Variants in TNKS1BP1 observed in about 807,000 individuals in gnomAD.
TNKS1BP1 encodes the protein 182 kDa tankyrase-1-binding protein.
TNKS1BP1 carries 48 observed loss-of-function variants against 141.1 expected under a neutral mutation model. That is an observed-to-expected ratio of 0.34 (90% CI 0.27 to 0.43). TNKS1BP1 has a LOEUF of 0.43. Among genes scored for constraint, TNKS1BP1 ranks in the 20% least tolerant of loss-of-function variants. TNKS1BP1 has a pLI of 1.00. For synonymous variants in TNKS1BP1, 875 were observed against 898.2 expected (o/e 0.97, Z 0.46); for missense variants, 2,149 against 2,226.0 (o/e 0.97, Z 0.70).
chr11:57,313,249 A>G lies in TNKS1BP1; in HGVS notation c.1439T>C (p.Phe480Ser). The G allele has an allele frequency of 6.2e-7, 1 of 1,612,794 alleles. No individual in the cohort carries two copies. The highest frequency in any genetic ancestry group is 8.5e-7 in the Non-Finnish European group (1 of 1,179,972). The change falls in exon 5 of 12, where the codon TTC (phenylalanine) becomes TCC (serine). Residue 480 changes from phenylalanine (F) to serine (S), a missense_variant. By Grantham distance (155) the Phe-to-Ser change is radical (BLOSUM62 -2). Transcript: ENST00000358252. ...WSLSQSFEWT[F>S]PTRPSGLGVW... ...GCCCAGACCCGAGGGCCTCGTGGGG[A>G]AGGTCCATTCGAAGGACTGTGATAA...
chr11:57,320,264 G>A lies in TNKS1BP1; in HGVS notation c.543C>T (p.Arg181=). 6.2e-7 allele frequency: 1 copy of A among 1,614,188 alleles called. No homozygotes were observed. The highest frequency in any genetic ancestry group is 8.5e-7 in the Non-Finnish European group (1 of 1,180,046). The change falls in exon 3 of 12, where the codon CGC becomes CGT. Residue 181 remains arginine, a synonymous_variant. Coordinates refer to ENST00000358252, the MANE Select transcript of TNKS1BP1 (RefSeq NM_033396.3). ...PRKEVLASPD[R]LWGSRLTFNH... The stretch of plus-strand genomic sequence containing the variant: ...TAAAGGTGAGGCGGGAACCCCACAG[G>A]CGGTCGGGGCTGGCAAGGACCTCCT...
intron 3 of TNKS1BP1, among the ~76,000 whole-genome samples, chr11:57,319,722 G>A (rs529854057): frequency 2.1e-5 from 3 of 141,228 alleles, no homozygotes; most frequent in East Asian, 2.1e-4. Flanking sequence ...AGCCGAGATC[G>A]CACCACTGCA....
rs1590586160 is a variant in TNKS1BP1, at chr11:57,311,194, G to A, written c.2155-638C>T. 6 of 977,588 alleles carry A rather than the reference G, an allele frequency of 6.1e-6. No individual in the cohort carries two copies. The African/African-American group carries it at 7.0e-5, about 11-fold the overall frequency. 60.6% of individuals were successfully genotyped at this position (977,588 alleles called of 1,614,324 possible). On this transcript the variant is annotated intron_variant, in intron 5 of 11. Transcript: ENST00000358252. ...CTGGCACAGGGGAAAATCCCAGCCA[G>A]GGCTTCTTGCACCCCACCCCCCACC... is the stretch of plus-strand genomic sequence containing the variant.
Position 57,313,535 on chromosome 11 carries a change from C to T in TNKS1BP1, c.1153G>A (p.Ala385Thr). Residue 385 changes from alanine (A) to threonine (T), a missense_variant, in exon 5 of 12, where the codon GCC becomes ACC. Transcript: ENST00000358252. ...TCGATCAGGGGCCGGGGTGAGGTGG[C>T]AGGGGGCTGATCCAGGCTATGGGGC... Reference protein sequence around the residue: ...LEPHSLDQPPATSPRPLIEVG... With the variant: ...LEPHSLDQPPTTSPRPLIEVG... 1 of 1,571,822 alleles carries T rather than the reference C, an allele frequency of 6.4e-7. No homozygotes were observed. The highest frequency in any genetic ancestry group is 8.6e-7 in the Non-Finnish European group (1 of 1,158,300).
chr11:57,302,917 A>G lies in TNKS1BP1; in HGVS notation c.4317-92T>C. On this transcript the variant is annotated intron_variant, in intron 6 of 11. Transcript: ENST00000358252. This position sits in a 1 kb window ranked among gnomAD's most constrained non-coding sequence, Gnocchi z 5.5. ...TCACAAGCTCCTTCCCCCAGCCCCC[A>G]AACTCTCCCTTGCCCTCCTTCCCAT... 7.2e-7 allele frequency: 1 copy of G among 1,391,164 alleles called. No homozygotes were observed. Among genetic ancestry groups the G allele is most frequent in the Non-Finnish European group, 9.4e-7 (1 of 1,062,626 alleles). The allele number at this position is 1,391,164 out of a possible 1,614,324, so 86.2% of individuals were successfully genotyped here.
Position 57,302,439 on chromosome 11 carries a change from T to G in TNKS1BP1, c.4683+20A>C. The G allele has an allele frequency of 6.4e-7, 1 of 1,573,652 alleles. No individual in the cohort carries two copies. Among genetic ancestry groups the G allele is most frequent in the African/African-American group, 1.3e-5 (1 of 74,428 alleles). On this transcript the variant is annotated intron_variant, in intron 7 of 11. Coordinates refer to ENST00000358252, the MANE Select transcript of TNKS1BP1 (RefSeq NM_033396.3). The surrounding 1 kb of genome is among the most constrained non-coding windows in gnomAD (Gnocchi z 5.5). ...CATCGCCCTCACCCACCCACTGTCATGGGCTCACCCTCCACTGACCTCAAT... is the reference window on the plus strand; with the variant it reads ...CATCGCCCTCACCCACCCACTGTCAGGGGCTCACCCTCCACTGACCTCAAT...
intron 3 of TNKS1BP1, 86 bp from the exon 4 acceptor site, chr11:57,317,973 A>T: frequency 7.8e-7 from 1 of 1,275,650 alleles, no homozygotes; most frequent in Non-Finnish European, 1.1e-6. Context: ...TCCCAGTGCA[A>T]CTTTAACAGC....
At chr11:57,322,565 T>C (rs1245779779) in intron 1 of TNKS1BP1, among the ~76,000 whole-genome samples, 1 of 152,194 alleles carries the variant, frequency 6.6e-6, no homozygotes, top group Non-Finnish European at 1.5e-5. Flanking sequence ...AGTAAACATC[T>C]GGAATATATT....
chr11:57,316,848 C>A (rs1024542693), intron 4 of TNKS1BP1, among the ~76,000 whole-genome samples: 5 of 152,210 alleles, frequency 3.3e-5, no homozygotes, highest in Non-Finnish European at 5.9e-5. Context: ...GCATCCCATG[C>A]CTCTCCTGCA....
chr11:57,319,153 A>G (rs1473246135), intron 3 of TNKS1BP1, among the ~76,000 whole-genome samples: 1 of 151,610 alleles, frequency 6.6e-6, no homozygotes, highest in African/African-American at 2.4e-5. Flanking sequence ...TCAAAAAAAA[A>G]AAAAAAAAAA....
At position 57,308,808 on chromosome 11, in the gene TNKS1BP1, G is replaced by C; in HGVS notation, c.3903C>G (p.Ser1301=). 6.2e-7 allele frequency: 1 copy of C among 1,614,058 alleles called. No homozygotes were observed. Among genetic ancestry groups the C allele is most frequent in the Non-Finnish European group, 8.5e-7 (1 of 1,180,018 alleles). ...APGAVCSPGE[S]KELGVGQMDW... ...CCATCTGGCCCACCCCAAGCTCTTT[G>C]GACTCTCCAGGACTGCAGACTGCCC... Residue 1301 remains serine (S), a synonymous_variant, in exon 6 of 12, where the codon TCC becomes TCG. Coordinates refer to ENST00000358252, the MANE Select transcript of TNKS1BP1 (RefSeq NM_033396.3).
chr11:57,303,604 C>T (rs765114166), intron 6 of TNKS1BP1: 4 of 152,440 alleles, frequency 2.6e-5, no homozygotes, highest in Admixed American at 2.6e-4. Context: ...AGGGCAAAAA[C>T]GGGGCCCTTT....
chr11:57,300,765 C>T, intron 10 of TNKS1BP1, 119 bp downstream of exon 10: 2 of 1,500,094 alleles, frequency 1.3e-6, no homozygotes, highest in Non-Finnish European at 1.8e-6. Flanking sequence ...TCATCTGGGG[C>T]ATGTCCGACT....
chr11:57,309,058 C>A lies in TNKS1BP1; in HGVS notation c.3653G>T (p.Gly1218Val). The A allele has an allele frequency of 6.2e-7, 1 of 1,614,198 alleles. No individual in the cohort carries two copies. The highest frequency in any genetic ancestry group is 8.5e-7 in the Non-Finnish European group (1 of 1,180,038). The change falls in exon 6 of 12, where the codon GGG becomes GTG. Residue 1218 changes from glycine to valine, a missense_variant. Transcript: ENST00000358252. The surrounding 1 kb of genome is among the most constrained non-coding windows in gnomAD (Gnocchi z 4.3). ...CLESGGSEEP[G>V]GIGVGEKDWT... Reference sequence around the variant, plus strand: ...GTCCTTCTCCCCAACTCCGATTCCCCCCGGCTCTTCAGACCCTCCACTTTC... The same window carrying A: ...GTCCTTCTCCCCAACTCCGATTCCCACCGGCTCTTCAGACCCTCCACTTTC...
chr11:57,319,637 C>T (rs1265539895), intron 3 of TNKS1BP1, among the ~76,000 whole-genome samples: 2 of 151,876 alleles, frequency 1.3e-5, no homozygotes, highest in Middle Eastern at 6.3e-3. Context: ...CGTGGTGGCC[C>T]ACGCCTGTAA....
chr11:57,321,938 G>A lies in TNKS1BP1; in HGVS notation c.-53C>T. 1 of 1,606,588 alleles carries A rather than the reference G, an allele frequency of 6.2e-7. No homozygotes were observed. Among genetic ancestry groups the A allele is most frequent in the Non-Finnish European group, 8.5e-7 (1 of 1,176,416 alleles). ...GGGGAGGCAGAGAGGTATGAGCTGG[G>A]GTGGCTGCAGACCTAGGAAAAGAGA... On this transcript the variant is annotated 5_prime_UTR_variant, in exon 2 of 12. Coordinates refer to ENST00000358252, the MANE Select transcript of TNKS1BP1 (RefSeq NM_033396.3).
At chr11:57,321,743 T>TGGGGCCCCCCC in intron 2 of TNKS1BP1, 49 bp downstream of exon 2, 1 of 1,186,780 alleles carries the variant, frequency 8.4e-7, no homozygotes, top group Non-Finnish European at 1.2e-6. Flanking sequence ...GCCTCTGTCC[T>TGGGGCCCCCCC]TCCCACCCCC....
rs1159298261 is a variant in TNKS1BP1 at position 57,308,864 on chromosome 11, G to A, written c.3847C>T (p.Pro1283Ser). Residue 1283 changes from proline to serine, a missense_variant, in exon 6 of 12, where the codon CCT (proline) becomes TCT (serine). By Grantham distance (74) the Pro-to-Ser change is moderately conservative (BLOSUM62 -1). Coordinates refer to ENST00000358252, the MANE Select transcript of TNKS1BP1 (RefSeq NM_033396.3). ...ERGVGQADWT[P>S]DLGLRNMAPG... ...GCCATGTTTCTCAGCCCAAGGTCAG[G>A]TGTCCAGTCTGCCTGTCCAACTCCA... 3.1e-6 allele frequency: 5 copies of A among 1,613,906 alleles called. No individual in the cohort carries two copies. Among genetic ancestry groups the A allele is most frequent in the Non-Finnish European group, 3.4e-6 (4 of 1,180,044 alleles).
chr11:57,306,954 C>T (rs1034069964), intron 6 of TNKS1BP1, among the ~76,000 whole-genome samples: 6 of 151,678 alleles, frequency 4.0e-5, no homozygotes, highest in Non-Finnish European at 8.8e-5. Flanking sequence ...GTGGCCACAC[C>T]TGAAAGCAGT....
Sources: allele counts gnomAD v4.1 joint callset (sites outside exome capture counted in the v4.1 genomes callset), GRCh38; gene constraint gnomAD v4.1.1; non-coding constraint Gnocchi (gnomAD v3.1); transcripts MANE v1.5; gene names NCBI Gene and HGNC (gene_info 2026-07-23, HGNC 2026-07-21).